Variants in CELSR1 observed in about 807,000 individuals in gnomAD.
The protein encoded by CELSR1 is adhesion G protein-coupled receptor C1.
A neutral mutation model predicts 249.1 loss-of-function variants in CELSR1; 110 were observed. That is an observed-to-expected ratio of 0.44 (90% CI 0.38 to 0.52). The LOEUF (loss-of-function observed/expected upper bound fraction) is 0.52, where lower values mean the gene tolerates loss of function less well. Among genes scored for constraint, CELSR1 ranks in the 20% least tolerant of loss-of-function variants. The pLI, the probability that CELSR1 is intolerant of heterozygous loss-of-function variation, is 0.00. For missense variants in CELSR1, 4,109 were observed against 4,296.4 expected (o/e 0.96, Z 1.22); for synonymous variants, 2,113 against 1,900.0 (o/e 1.11, Z -2.92).
chr22:46,467,046 G>A (rs5767208), intron 1 of CELSR1, among the ~76,000 whole-genome samples: 65,257 of 152,096 alleles, frequency 0.43, 14,215 homozygotes, highest in South Asian at 0.53. Context: ...AAGAAAACAA[G>A]TGTTTGTTGT....
chr22:46,399,897 C>T lies in CELSR1; in HGVS notation c.5232G>A (p.Leu1744=), dbSNP rs1304296968. The change falls in exon 10 of 35, where the codon CTG becomes CTA. Residue 1744 remains leucine (L), a synonymous_variant. Coordinates refer to ENST00000674500, the MANE Select transcript of CELSR1 (RefSeq NM_001378328.1). This position sits in a 1 kb window ranked among gnomAD's most constrained non-coding sequence, Gnocchi z 5.0. ...GGPTSFRLQI[L]NNYLQFEVSH... is the part of the protein sequence containing the mutation. The stretch of plus-strand genomic sequence containing the variant: ...ACACCTCAAACTGGAGGTAGTTGTT[C>T]AGGATCTGGAGCAGGGAGAGCCACA... The T allele has an allele frequency of 1.2e-6, 2 of 1,614,008 alleles. No homozygotes were observed. The highest frequency in any genetic ancestry group is 2.2e-5 in the South Asian group (2 of 91,054).
intron 1 of CELSR1, among the ~76,000 whole-genome samples, chr22:46,530,804 G>A (rs5768912): frequency 0.35 from 52,840 of 151,740 alleles, 9,554 homozygotes; most frequent in Non-Finnish European, 0.41. Context: ...CCTGCCCTCC[G>A]ATGCGCTCCT....
chr22:46,445,764 C>G lies in CELSR1; in HGVS notation c.4184-6353G>C, dbSNP rs767284888. ...GAGCAGCAGCGCCTGGCTGGCAGAG[C>G]CTTTCCCGTCGATGCTTCGGAGGTG... is the stretch of plus-strand genomic sequence containing the variant. On this transcript the variant is annotated intron_variant, in intron 2 of 34. Transcript: ENST00000674500. This position sits in a 1 kb window ranked among gnomAD's most constrained non-coding sequence, Gnocchi z 4.4. Among the ~76,000 whole-genome samples the G allele has an allele frequency of 2.0e-4, 31 of 152,302 alleles. No homozygotes were observed. The highest frequency in any genetic ancestry group is 5.9e-4 in the Admixed American group (9 of 15,306).
chr22:46,385,802 C>A (rs894621340), intron 19 of CELSR1, among the ~76,000 whole-genome samples: 1 of 151,730 alleles, frequency 6.6e-6, no homozygotes, highest in East Asian at 1.9e-4. Context: ...CTCAGCCTCC[C>A]GAGTAGCTGG....
intron 1 of CELSR1, among the ~76,000 whole-genome samples, chr22:46,493,014 T>A (rs987087440): frequency 6.6e-6 from 1 of 151,972 alleles, no homozygotes; most frequent in Non-Finnish European, 1.5e-5. Context: ...GAAACCGAGA[T>A]GGGAGGATCG....
At chr22:46,375,266 C>T (rs191252572) in intron 24 of CELSR1, among the ~76,000 whole-genome samples, 1 of 152,166 alleles carries the variant, frequency 6.6e-6, no homozygotes, top group Non-Finnish European at 1.5e-5. Flanking sequence ...CTGGCTCATG[C>T]GCCACACCTT....
At chr22:46,367,530 C>T (rs2078799218) in intron 28 of CELSR1, among the ~76,000 whole-genome samples, 199 bp downstream of exon 28, 1 of 152,218 alleles carries the variant, frequency 6.6e-6, no homozygotes, top group South Asian at 2.1e-4. Context: ...GGGTCATCGT[C>T]CCCAGACACA....
Position 46,413,558 on chromosome 22 carries a change from G to C in CELSR1, c.4612-1799C>G, listed in dbSNP as rs1009458624. Among the ~76,000 whole-genome samples the C allele has an allele frequency of 1.3e-5, 2 of 152,220 alleles. No homozygotes were observed. Among genetic ancestry groups the C allele is most frequent in the South Asian group, 2.1e-4 (1 of 4,832 alleles). ...TTGAGGATGATATCAACAGAGATACGTGAGTTTCCCACACGCCCTTGTCTG... is the reference window on the plus strand; with the variant it reads ...TTGAGGATGATATCAACAGAGATACCTGAGTTTCCCACACGCCCTTGTCTG... On this transcript the variant is annotated intron_variant, in intron 5 of 34. Coordinates refer to ENST00000674500, the MANE Select transcript of CELSR1 (RefSeq NM_001378328.1). This position sits in a 1 kb window ranked among gnomAD's most constrained non-coding sequence, Gnocchi z 4.7.
intron 5 of CELSR1, among the ~76,000 whole-genome samples, chr22:46,414,276 C>T (rs1206981268): frequency 1.3e-5 from 2 of 152,178 alleles, no homozygotes; most frequent in Admixed American, 6.6e-5. Flanking sequence ...AGACACCCAC[C>T]GGCGGCCACT....
intron 1 of CELSR1, among the ~76,000 whole-genome samples, chr22:46,511,453 G>A (rs555939540): frequency 6.6e-5 from 10 of 152,340 alleles, no homozygotes; most frequent in African/African-American, 2.2e-4. Context: ...AGAGCATGGC[G>A]TGGAGCAGAC....
chr22:46,421,465 G>A (rs1267727782), intron 5 of CELSR1, among the ~76,000 whole-genome samples: 4 of 152,162 alleles, frequency 2.6e-5, no homozygotes, highest in Non-Finnish European at 5.9e-5. Context: ...GTGGGGCGGC[G>A]CTTGCCTCCG....
Position 46,395,360 on chromosome 22 carries a change from C to T in CELSR1, c.5844-1098G>A, listed in dbSNP as rs565561369. 1.5e-3 allele frequency among the ~76,000 whole-genome samples: 224 copies of T among 152,200 alleles called. No homozygotes were observed. Among genetic ancestry groups the T allele is most frequent in the Non-Finnish European group, 2.5e-3 (169 of 67,998 alleles). Reference sequence around the variant, plus strand: ...TGGGCCCCCACGGCCTCCACACAGCCGAATTCTGTTCCTGGCTTGCGGGCC... The same window carrying T: ...TGGGCCCCCACGGCCTCCACACAGCTGAATTCTGTTCCTGGCTTGCGGGCC... On this transcript the variant is annotated intron_variant, in intron 13 of 34. Coordinates refer to ENST00000674500, the MANE Select transcript of CELSR1 (RefSeq NM_001378328.1). The surrounding 1 kb of genome is among the most constrained non-coding windows in gnomAD (Gnocchi z 5.5).
At chr22:46,459,944 C>T (rs1356187849) in intron 2 of CELSR1, among the ~76,000 whole-genome samples, 1 of 152,188 alleles carries the variant, frequency 6.6e-6, no homozygotes, top group Admixed American at 6.5e-5. Context: ...TAGTGGCTCA[C>T]GCCTGTAAAC....
At position 46,396,726 on chromosome 22, in the gene CELSR1, C is replaced by A; in HGVS notation, c.5722G>T (p.Val1908Leu). 1.2e-6 allele frequency: 2 copies of A among 1,612,918 alleles called. No individual in the cohort carries two copies. The highest frequency in any genetic ancestry group is 1.7e-6 in the Non-Finnish European group (2 of 1,179,524). Residue 1908 changes from valine to leucine, a missense_variant, in exon 13 of 35, where the codon GTG becomes TTG. Around this residue, in one of 7 missense-constraint regions of CELSR1, gnomAD observed 1,805 missense variants for 1,831.6 expected, o/e 0.99. Transcript: ENST00000674500. This position sits in a 1 kb window ranked among gnomAD's most constrained non-coding sequence, Gnocchi z 6.4. Reference protein sequence around the residue: ...CDKGYLGINCVDACHLNPCEN... With the variant: ...CDKGYLGINCLDACHLNPCEN... The stretch of plus-strand genomic sequence containing the variant: ...CAGGGGTTCAGGTGACAGGCATCCA[C>A]ACAGTTTATTCCAAGGTACCCTGCA...
chr22:46,382,703 A>T (rs201776163), intron 20 of CELSR1, among the ~76,000 whole-genome samples: 2 of 152,218 alleles, frequency 1.3e-5, no homozygotes, highest in East Asian at 3.8e-4. Flanking sequence ...GCACAATGGA[A>T]TATTACTCAG....
rs763288158 is a variant in CELSR1 at position 46,399,637 on chromosome 22, G to A, written c.5412+80C>T. ...ATCCACAAGGTCTCTGGTGGGTCCT[G>A]GCACGTCAAGGGGTCATTCTGTTTT... On this transcript the variant is annotated intron_variant, in intron 10 of 34. Coordinates refer to ENST00000674500, the MANE Select transcript of CELSR1 (RefSeq NM_001378328.1). This position sits in a 1 kb window ranked among gnomAD's most constrained non-coding sequence, Gnocchi z 5.0. 2 of 1,436,300 alleles carry A rather than the reference G, an allele frequency of 1.4e-6. No homozygotes were observed. Among genetic ancestry groups the A allele is most frequent in the Non-Finnish European group, 1.9e-6 (2 of 1,031,038 alleles). The allele number at this position is 1,436,300 out of a possible 1,614,324, so 89.0% of individuals were successfully genotyped here. A position where few individuals can be genotyped will look rare whatever the true frequency, so the allele number is the denominator to read the frequency against.
At chr22:46,382,682 G>A (rs1402579540) in intron 20 of CELSR1, among the ~76,000 whole-genome samples, 3 of 152,186 alleles carry the variant, frequency 2.0e-5, no homozygotes, top group Non-Finnish European at 4.4e-5. Context: ...TAAGCAACAC[G>A]CGCTCCATCC....
intron 1 of CELSR1, among the ~76,000 whole-genome samples, chr22:46,465,538 G>C (rs1019560656): frequency 6.6e-6 from 1 of 152,184 alleles, no homozygotes; most frequent in African/African-American, 2.4e-5. Context: ...AGGCCCAGAG[G>C]CCACCTTGTC....
At chr22:46,370,856 T>C (rs1346034140) in intron 25 of CELSR1, among the ~76,000 whole-genome samples, 1 of 152,204 alleles carries the variant, frequency 6.6e-6, no homozygotes, top group African/African-American at 2.4e-5. Flanking sequence ...TATTTTAAGA[T>C]CTTGTACAAG....
Sources: gnomAD v4.1 joint callset for allele counts (sites outside exome capture counted in the v4.1 genomes callset) on GRCh38, gnomAD v4.1.1 for gene constraint, gnomAD v4.1.1 regional missense constraint, Gnocchi (gnomAD v3.1) non-coding constraint, MANE v1.5 for transcripts, NCBI Gene and HGNC (gene_info 2026-07-23, HGNC 2026-07-21) for gene names.